Variants in OR6C2 observed in about 807,000 individuals in gnomAD.
OR6C2 encodes olfactory receptor family 6 subfamily C member 2.
For missense variants in OR6C2, 435 were observed against 365.8 expected (o/e 1.19, Z -1.54); for synonymous variants, 146 against 134.2 (o/e 1.09, Z -0.61).
chr12:55,446,143 CCTTTCTTT>C (rs63176660), intron 1 of OR6C2, among the ~76,000 whole-genome samples: 18 of 150,438 alleles, frequency 1.2e-4, no homozygotes, highest in South Asian at 4.2e-4. Context: ...TTCCTTCCTT[CCTTTCTTT>C]CTTTCTTTCT....
intron 1 of OR6C2, among the ~76,000 whole-genome samples, chr12:55,448,559 TAA>T (rs772255505): frequency 1.2e-4 from 10 of 84,338 alleles, no homozygotes; most frequent in Admixed American, 5.5e-4. Flanking sequence ...AAGACAGGAT[TAA>T]AAAAAAAAAA....
rs1402410741 is a variant in OR6C2, at chr12:55,452,972, C to T, written c.759C>T (p.Cys253=). The T allele has an allele frequency of 6.2e-7, 1 of 1,613,652 alleles. No homozygotes were observed. The highest frequency in any genetic ancestry group is 8.5e-7 in the Non-Finnish European group (1 of 1,179,728). The part of the protein sequence containing the change: ...MIVVSIAYGS[C]IFIYIKPSAK... ...TGGTTTCCATTGCCTATGGAAGCTG[C>T]ATCTTCATCTATATCAAGCCCTCTG... is the stretch of plus-strand genomic sequence containing the variant. Residue 253 remains cysteine, a synonymous_variant, in exon 2 of 2, where the codon TGC becomes TGT. Coordinates refer to ENST00000641202, the MANE Select transcript of OR6C2 (RefSeq NM_054105.2).
chr12:55,445,051 C>G (rs536971328), intron 1 of OR6C2, among the ~76,000 whole-genome samples: 1 of 152,076 alleles, frequency 6.6e-6, no homozygotes, highest in East Asian at 1.9e-4. Flanking sequence ...GCAAAGAGAC[C>G]AGTTTTGGGG....
chr12:55,446,298 TG>T (rs1307292289), intron 1 of OR6C2, among the ~76,000 whole-genome samples: 2 of 152,056 alleles, frequency 1.3e-5, no homozygotes, highest in African/African-American at 4.8e-5. Context: ...TACAGGCATG[TG>T]CCACCACACC....
chr12:55,449,150 G>A, intron 1 of OR6C2, among the ~76,000 whole-genome samples: 1 of 151,836 alleles, frequency 6.6e-6, no homozygotes, highest in Non-Finnish European at 1.5e-5. Flanking sequence ...AAATAAGAAA[G>A]CAAATTATTT....
chr12:55,444,567 A>G (rs536702269), intron 1 of OR6C2, among the ~76,000 whole-genome samples: 14 of 152,210 alleles, frequency 9.2e-5, no homozygotes, highest in Non-Finnish European at 1.8e-4. Flanking sequence ...TATTAGTTCA[A>G]CAAAAATGCT....
At position 55,452,835 on chromosome 12, in the gene OR6C2, A is replaced by C; in HGVS notation, c.622A>C (p.Thr208Pro). 1 of 1,613,770 alleles carries C rather than the reference A, an allele frequency of 6.2e-7. No homozygotes were observed. The highest frequency in any genetic ancestry group is 8.5e-7 in the Non-Finnish European group (1 of 1,179,802). Reference protein sequence around the residue: ...ILMAVFALIITLVCVILSYLY... With the variant: ...ILMAVFALIIPLVCVILSYLY... ...TATGGCTGTATTTGCACTCATTATC[A>C]CCCTAGTTTGTGTGATTCTGTCCTA... Residue 208 changes from threonine to proline, a missense_variant, in exon 2 of 2, where the codon ACC becomes CCC. Coordinates refer to ENST00000641202, the MANE Select transcript of OR6C2 (RefSeq NM_054105.2).
At chr12:55,445,656 A>G (rs1871348813) in intron 1 of OR6C2, among the ~76,000 whole-genome samples, 1 of 152,224 alleles carries the variant, frequency 6.6e-6, no homozygotes, top group Non-Finnish European at 1.5e-5. Flanking sequence ...ATGGTCAGAG[A>G]TGACATGAAC....
At chr12:55,446,875 A>G (rs1317897284) in intron 1 of OR6C2, among the ~76,000 whole-genome samples, 1 of 152,226 alleles carries the variant, frequency 6.6e-6, no homozygotes. Context: ...AAGTTCAGGT[A>G]AAGGATCGTG....
chr12:55,444,237 T>C (rs1403814491), intron 1 of OR6C2, 78 bp downstream of exon 1: 1 of 152,174 alleles, frequency 6.6e-6, no homozygotes, highest in Non-Finnish European at 1.5e-5. Context: ...GTAATTTTGC[T>C]AGTTTAAGCT....
chr12:55,450,662 C>G (rs1052907433), intron 1 of OR6C2, among the ~76,000 whole-genome samples: 6 of 151,934 alleles, frequency 3.9e-5, no homozygotes, highest in African/African-American at 1.4e-4. Context: ...TCAAATCACC[C>G]TTGAAGAGTA....
chr12:55,448,393 TA>T lies in OR6C2; in HGVS notation c.-887-2932del, dbSNP rs201297255. 5.9e-3 allele frequency among the ~76,000 whole-genome samples: 894 copies of T among 150,910 alleles called. 9 individuals are homozygous for T. The highest frequency in any genetic ancestry group is 0.02 in the African/African-American group (838 of 41,356). ...AATTTGTATAACATTAATTAGAAAT[TA>T]ATTAATTTAATTATAGAAAAAAATT... is the stretch of plus-strand genomic sequence containing the variant. On this transcript the variant is annotated intron_variant, in intron 1 of 1. Transcript: ENST00000641202.
intron 1 of OR6C2, among the ~76,000 whole-genome samples, chr12:55,446,590 G>A (rs150390434): frequency 7.9e-5 from 12 of 152,258 alleles, no homozygotes; most frequent in Non-Finnish European, 1.6e-4. Flanking sequence ...AGGATCCAGA[G>A]CTGCTTAATT....
At position 55,452,341 on chromosome 12, in the gene OR6C2, T is replaced by C. The variant is rs145941340; in HGVS notation, c.128T>C (p.Ile43Thr). 1.9e-3 allele frequency: 2,987 copies of C among 1,613,628 alleles called. 9 individuals are homozygous for C. The highest frequency in any genetic ancestry group is 0.013 in the Middle Eastern group (80 of 6,058). Residue 43 changes from isoleucine (I) to threonine (T), a missense_variant, in exon 2 of 2, where the codon ATT becomes ACT. Transcript: ENST00000641202. ...TTGAGTGTAACAGGGAACCTGACTA[T>C]TATCACCCTCACATTGGTGGACCAC... ...YMLSVTGNLTIITLTLVDHHL... is the reference protein window; with the variant it reads ...YMLSVTGNLTTITLTLVDHHL...
chr12:55,445,822 A>T (rs1267649497), intron 1 of OR6C2, among the ~76,000 whole-genome samples: 1 of 152,192 alleles, frequency 6.6e-6, no homozygotes, highest in Non-Finnish European at 1.5e-5. Flanking sequence ...AGGGCGGGCA[A>T]CAAACTTCCT....
At chr12:55,447,606 G>T (rs944174531) in intron 1 of OR6C2, among the ~76,000 whole-genome samples, 2 of 152,016 alleles carry the variant, frequency 1.3e-5, no homozygotes, top group African/African-American at 4.8e-5. Context: ...TCTGTAACTG[G>T]ATCATTTCAC....
At chr12:55,448,919 T>G (rs1871417419) in intron 1 of OR6C2, among the ~76,000 whole-genome samples, 1 of 151,980 alleles carries the variant, frequency 6.6e-6, no homozygotes, top group African/African-American at 2.4e-5. Context: ...TATTTCTTTA[T>G]GCTAAGTATT....
intron 1 of OR6C2, among the ~76,000 whole-genome samples, chr12:55,447,132 C>T (rs540131810): frequency 2.4e-4 from 37 of 152,238 alleles, no homozygotes; most frequent in African/African-American, 8.9e-4. Context: ...AGTTACGATT[C>T]ATTTAGATAG....
At chr12:55,447,068 C>T (rs1871376416) in intron 1 of OR6C2, among the ~76,000 whole-genome samples, 1 of 152,200 alleles carries the variant, frequency 6.6e-6, no homozygotes, top group Non-Finnish European at 1.5e-5. Context: ...ACCAGTGAGT[C>T]TAGGGCTGAA....
Sources: allele counts gnomAD v4.1 joint callset (sites outside exome capture counted in the v4.1 genomes callset), GRCh38; gene constraint gnomAD v4.1.1; transcripts MANE v1.5; gene names NCBI Gene and HGNC (gene_info 2026-07-23, HGNC 2026-07-21).